The following GLRB variants were observed in gnomAD, a reference collection of about 807,000 sequenced individuals.
The protein encoded by GLRB is glycine receptor subunit beta.
GLRB carries 33 observed loss-of-function variants against 54.2 expected under a neutral mutation model. The ratio of observed to expected loss-of-function variants is 0.61; its 90% confidence interval spans 0.46 to 0.81. The LOEUF (loss-of-function observed/expected upper bound fraction) is 0.81. Ranked by LOEUF, GLRB falls within the 40% of genes least tolerant of loss-of-function variation. The pLI, the probability that GLRB is intolerant of heterozygous loss-of-function variation, is 0.00. For missense variants in GLRB, 572 were observed against 584.6 expected, an observed-to-expected ratio of 0.98 and a Z score of 0.22; for synonymous variants, 209 against 208.2, an observed-to-expected ratio of 1.00 and a Z score of -0.03.
intron 4 of GLRB, among the ~76,000 whole-genome samples, chr4:157,131,260 G>C (rs1176026265): frequency 1.3e-5 from 2 of 151,524 alleles, no homozygotes; most frequent in Admixed American, 6.6e-5. Context: ...TCTTAACCTT[G>C]TATTTCTTGA....
chr4:157,101,951 A>G (rs1035277517), intron 2 of GLRB, among the ~76,000 whole-genome samples: 2 of 152,160 alleles, frequency 1.3e-5, no homozygotes, highest in African/African-American at 4.8e-5. Context: ...TTATCGTGTC[A>G]TGTGCCAGAT....
intron 2 of GLRB, among the ~76,000 whole-genome samples, chr4:157,080,079 A>G (rs1343634014): frequency 1.3e-5 from 2 of 152,168 alleles, no homozygotes; most frequent in African/African-American, 4.8e-5. Flanking sequence ...TTTAGAGGAC[A>G]TTCTCTTTTC....
intron 2 of GLRB, among the ~76,000 whole-genome samples, chr4:157,093,678 C>A (rs1189355030): frequency 6.7e-6 from 1 of 150,046 alleles, no homozygotes; most frequent in Non-Finnish European, 1.5e-5. Context: ...TCGCTTGAAC[C>A]CGGGAGGCGG....
At position 157,120,532 on chromosome 4, in the gene GLRB, T is replaced by C. The variant is rs753992605; in HGVS notation, c.123-24T>C. On this transcript the variant is annotated intron_variant, in intron 2 of 9. Coordinates refer to ENST00000264428, the MANE Select transcript of GLRB (RefSeq NM_000824.5). ...GTTGTTTGCTATTTATAACTACTTATCAGGATTTTTCTCTCTCTTATAGTC... is the reference window on the plus strand; with the variant it reads ...GTTGTTTGCTATTTATAACTACTTACCAGGATTTTTCTCTCTCTTATAGTC... 44 of 1,275,734 alleles carry C rather than the reference T, an allele frequency of 3.4e-5. 1 individual carries two copies. The Admixed American group carries it at 6.1e-4, about 18-fold the overall frequency. 79.0% of individuals were successfully genotyped at this position (1,275,734 alleles called of 1,614,324 possible). A position where few individuals can be genotyped will look rare whatever the true frequency, so the allele number is the denominator to read the frequency against.
chr4:157,156,115 G>GT (rs1560973825), intron 9 of GLRB, among the ~76,000 whole-genome samples: 1 of 152,032 alleles, frequency 6.6e-6, no homozygotes, highest in East Asian at 1.9e-4. Context: ...TTTTAGGATT[G>GT]TTTTCTCTAA....
intron 9 of GLRB, among the ~76,000 whole-genome samples, chr4:157,160,215 C>G (rs886504216): frequency 6.6e-6 from 1 of 151,752 alleles, no homozygotes; most frequent in Non-Finnish European, 1.5e-5. Context: ...CTGCTTGATT[C>G]TTCTCTCTTT....
At chr4:157,156,935 GCT>G (rs1737250846) in intron 9 of GLRB, among the ~76,000 whole-genome samples, 1 of 152,046 alleles carries the variant, frequency 6.6e-6, no homozygotes, top group African/African-American at 2.4e-5. Context: ...GCTTTCTCTG[GCT>G]CTGTTCTGTC....
At chr4:157,105,740 G>A (rs1381498046) in intron 2 of GLRB, among the ~76,000 whole-genome samples, 1 of 151,846 alleles carries the variant, frequency 6.6e-6, no homozygotes, top group African/African-American at 2.4e-5. Context: ...CTTCCTGGTG[G>A]ATTTACCCTT....
At chr4:157,130,942 G>T (rs1046383092) in intron 4 of GLRB, among the ~76,000 whole-genome samples, 5 of 151,676 alleles carry the variant, frequency 3.3e-5, no homozygotes, top group African/African-American at 9.7e-5. Flanking sequence ...TCAAGAGACT[G>T]CAGTGAAAGA....
intron 9 of GLRB, among the ~76,000 whole-genome samples, chr4:157,170,125 C>T (rs1401389421): frequency 1.3e-5 from 2 of 152,014 alleles, no homozygotes; most frequent in Non-Finnish European, 2.9e-5. Flanking sequence ...ATTTATTAGT[C>T]CTACAACTGA....
At chr4:157,078,273 AG>A in intron 2 of GLRB, 127 bp downstream of exon 2, 1 of 1,485,980 alleles carries the variant, frequency 6.7e-7, no homozygotes, top group South Asian at 1.2e-5. Flanking sequence ...CATCTGTTAC[AG>A]AGACAGAAAA....
chr4:157,160,227 C>T (rs1252126474), intron 9 of GLRB, among the ~76,000 whole-genome samples: 1 of 151,528 alleles, frequency 6.6e-6, no homozygotes, highest in African/African-American at 2.4e-5. Flanking sequence ...TCTCTCTTTT[C>T]TTCTTTATTA....
chr4:157,080,634 T>C lies in GLRB; in HGVS notation c.122+2488T>C, dbSNP rs1220679188. 2.0e-5 allele frequency among the ~76,000 whole-genome samples: 3 copies of C among 152,342 alleles called. No homozygotes were observed. The East Asian group carries it at 5.8e-4, about 29-fold the overall frequency. On this transcript the variant is annotated intron_variant, in intron 2 of 9. Transcript: ENST00000264428. ...TGCAAATTGTATGTATCTCAGAGAA[T>C]GATCCAGTTTGCTTAGCCTGTGTAA...
rs144843995 is a variant in GLRB at position 157,082,671 on chromosome 4, G to A, written c.122+4525G>A. On this transcript the variant is annotated intron_variant, in intron 2 of 9. Coordinates refer to ENST00000264428, the MANE Select transcript of GLRB (RefSeq NM_000824.5). ...ACCCTGGATTATGTTACCTGGTTCCGTTTTGGCCTCATCATAGTCAATTAT... is the reference window on the plus strand; with the variant it reads ...ACCCTGGATTATGTTACCTGGTTCCATTTTGGCCTCATCATAGTCAATTAT... Among the ~76,000 whole-genome samples, 882 of 152,086 alleles carry A rather than the reference G, an allele frequency of 5.8e-3. 10 individuals are homozygous for A. The highest frequency in any genetic ancestry group is 0.02 in the African/African-American group (820 of 41,496).
At chr4:157,095,685 A>G (rs1466131617) in intron 2 of GLRB, among the ~76,000 whole-genome samples, 2 of 152,202 alleles carry the variant, frequency 1.3e-5, no homozygotes, top group African/African-American at 4.8e-5. Flanking sequence ...TTAAAAAGAC[A>G]TAAAGCTAGG....
chr4:157,139,395 T>C (rs1736529377), intron 7 of GLRB, among the ~76,000 whole-genome samples: 1 of 152,104 alleles, frequency 6.6e-6, no homozygotes, highest in South Asian at 2.1e-4. Flanking sequence ...TTGATCCTTA[T>C]GCTATGCAGG....
intron 2 of GLRB, among the ~76,000 whole-genome samples, chr4:157,086,528 C>G (rs56091114): frequency 6.6e-5 from 10 of 152,100 alleles, no homozygotes; most frequent in Non-Finnish European, 7.4e-5. Context: ...GGTATTTACA[C>G]GAATGTGAAA....
intron 2 of GLRB, among the ~76,000 whole-genome samples, chr4:157,081,480 A>C (rs1014651523): frequency 6.6e-6 from 1 of 152,190 alleles, no homozygotes; most frequent in Non-Finnish European, 1.5e-5. Context: ...TGAATAATAC[A>C]ATGAATAATC....
intron 4 of GLRB, among the ~76,000 whole-genome samples, chr4:157,125,198 G>A (rs1383861692): frequency 6.6e-6 from 1 of 151,876 alleles, no homozygotes; most frequent in Non-Finnish European, 1.5e-5. Context: ...GTTATGTTAT[G>A]AGAGGATACT....
Sources: allele counts gnomAD v4.1 joint callset (sites outside exome capture counted in the v4.1 genomes callset), GRCh38; gene constraint gnomAD v4.1.1; transcripts MANE v1.5; gene names NCBI Gene and HGNC (gene_info 2026-07-23, HGNC 2026-07-21).